SMC6: variants seen among roughly 807,000 people sequenced by gnomAD.
SMC6 encodes the protein structural maintenance of chromosomes 6, also known as structural maintenance of chromosomes protein 6.
A neutral mutation model predicts 142.2 loss-of-function variants in SMC6; 79 were observed. The observed-to-expected ratio is 0.56, with a 90% CI of 0.46 to 0.67. The LOEUF (loss-of-function observed/expected upper bound fraction) is 0.67, where lower values mean the gene tolerates loss of function less well. Among genes scored for constraint, SMC6 ranks in the 30% least tolerant of loss-of-function variants. SMC6 has a pLI of 0.00. For missense variants in SMC6, 1,072 were observed against 1,284.0 expected (o/e 0.83, Z 2.52); for synonymous variants, 411 against 412.4 (o/e 1.00, Z 0.04).
At chr2:17,743,703 A>G (rs901833121) in intron 3 of SMC6, among the ~76,000 whole-genome samples, 10 of 152,166 alleles carry the variant, frequency 6.6e-5, no homozygotes, top group African/African-American at 2.4e-4. Context: ...AGTATAGTAC[A>G]GTTATTTTTA....
rs554475673 is a variant in SMC6 at position 17,752,377 on chromosome 2, C to A, written c.-6+601G>T. On this transcript the variant is annotated intron_variant, in intron 2 of 27. Transcript: ENST00000448223. ...CAAGAACAAAAAAAAGTCTGTGCAA[C>A]CATCCACTTTTTTTCCTCTGAAATA... 3.3e-5 allele frequency among the ~76,000 whole-genome samples: 5 copies of A among 152,316 alleles called. No homozygotes were observed. The South Asian group carries it at 6.2e-4, about 19-fold the overall frequency.
At chr2:17,703,120 A>G in intron 19 of SMC6, 37 bp downstream of exon 19, 2 of 1,252,436 alleles carry the variant, frequency 1.6e-6, no homozygotes, top group Non-Finnish European at 2.2e-6. Flanking sequence ...GTAAGTTGAA[A>G]AAAACAAAAG....
intron 2 of SMC6, among the ~76,000 whole-genome samples, chr2:17,751,745 T>C (rs994948892): frequency 1.3e-5 from 2 of 152,222 alleles, no homozygotes; most frequent in Non-Finnish European, 2.9e-5. Context: ...CAGCTGGACT[T>C]ATCGTTGTGT....
intron 7 of SMC6, among the ~76,000 whole-genome samples, chr2:17,728,491 C>T (rs1307283949): frequency 6.6e-6 from 1 of 151,174 alleles, no homozygotes; most frequent in Non-Finnish European, 1.5e-5. Flanking sequence ...CACTTGAGGC[C>T]AGGAGTTCAA....
chr2:17,719,829 C>T (rs370374727), intron 11 of SMC6, among the ~76,000 whole-genome samples: 1 of 151,990 alleles, frequency 6.6e-6, no homozygotes. Flanking sequence ...CATATATTAC[C>T]TCTGATGAAT....
intron 26 of SMC6, 83 bp downstream of exon 26, chr2:17,670,340 C>G: frequency 7.0e-7 from 1 of 1,423,156 alleles, no homozygotes; most frequent in Non-Finnish European, 9.5e-7. Context: ...AGGGGTAAAA[C>G]TAAAGAAAGA....
intron 7 of SMC6, among the ~76,000 whole-genome samples, chr2:17,727,849 C>CAAG (rs1352011752): frequency 6.6e-6 from 1 of 152,122 alleles, no homozygotes; most frequent in African/African-American, 2.4e-5. Context: ...GGCCTCTCTT[C>CAAG]AAGATAATAA....
chr2:17,700,868 C>T (rs1482784069), intron 20 of SMC6, among the ~76,000 whole-genome samples: 1 of 151,568 alleles, frequency 6.6e-6, no homozygotes, highest in Non-Finnish European at 1.5e-5. Context: ...CCTGTCTTTA[C>T]TAAATAAAAA....
chr2:17,711,104 C>T (rs1668805329), intron 16 of SMC6, among the ~76,000 whole-genome samples: 1 of 152,106 alleles, frequency 6.6e-6, no homozygotes. Context: ...CTGTTGAGAG[C>T]ACAGGTTTTG....
intron 5 of SMC6, among the ~76,000 whole-genome samples, chr2:17,735,202 G>C (rs148582123): frequency 2.0e-5 from 3 of 152,188 alleles, no homozygotes; most frequent in Admixed American, 1.3e-4. Flanking sequence ...CACTGATATG[G>C]TCTGTGCTGA....
intron 2 of SMC6, among the ~76,000 whole-genome samples, chr2:17,747,254 C>G (rs1248151263): frequency 6.6e-6 from 1 of 152,180 alleles, no homozygotes; most frequent in Non-Finnish European, 1.5e-5. Flanking sequence ...GGTGAGAAGA[C>G]CACTCCCACT....
chr2:17,683,124 G>T (rs1224889046), intron 24 of SMC6, among the ~76,000 whole-genome samples: 1 of 151,938 alleles, frequency 6.6e-6, no homozygotes, highest in Admixed American at 6.6e-5. Context: ...TACATCTCTG[G>T]ATATGTTAAT....
intron 3 of SMC6, 43 bp from the exon 4 acceptor site, chr2:17,741,772 A>G (rs776120554): frequency 7.8e-7 from 1 of 1,276,564 alleles, no homozygotes; most frequent in Non-Finnish European, 1.1e-6. Context: ...AATCTAATTC[A>G]CTCATTATAA....
At chr2:17,711,061 G>A (rs1668803608) in intron 16 of SMC6, among the ~76,000 whole-genome samples, 1 of 152,152 alleles carries the variant, frequency 6.6e-6, no homozygotes, top group African/African-American at 2.4e-5. Context: ...GGACGTGGTA[G>A]GCAGTTCTGG....
intron 18 of SMC6, among the ~76,000 whole-genome samples, chr2:17,706,133 A>G (rs1668495279): frequency 6.6e-6 from 1 of 152,168 alleles, no homozygotes; most frequent in African/African-American, 2.4e-5. Flanking sequence ...TGTTGTTTGA[A>G]AGAACAAATA....
chr2:17,666,174 T>C (rs1294214353), intron 27 of SMC6, among the ~76,000 whole-genome samples: 1 of 152,188 alleles, frequency 6.6e-6, no homozygotes, highest in Non-Finnish European at 1.5e-5. Flanking sequence ...TCATGATAAC[T>C]ACAAAGAAGC....
chr2:17,684,572 C>G (rs971063220), intron 23 of SMC6, among the ~76,000 whole-genome samples: 3 of 152,080 alleles, frequency 2.0e-5, no homozygotes, highest in Non-Finnish European at 2.9e-5. Flanking sequence ...ACCTATAATC[C>G]CAGCACTTTG....
At chr2:17,753,562 G>A (rs1296774804) in intron 1 of SMC6, 64 bp downstream of exon 1, 2 of 122,246 alleles carry the variant, frequency 1.6e-5, no homozygotes, top group African/African-American at 5.1e-5. Flanking sequence ...GCCAGCCAAG[G>A]GGGCAGCGGG....
intron 23 of SMC6, among the ~76,000 whole-genome samples, chr2:17,685,488 A>G (rs773949171): frequency 5.9e-5 from 9 of 152,192 alleles, no homozygotes; most frequent in Non-Finnish European, 1.2e-4. Flanking sequence ...TAAAACATAG[A>G]AAATATTCAT....
Sources: allele counts gnomAD v4.1 joint callset (sites outside exome capture counted in the v4.1 genomes callset), GRCh38; gene constraint gnomAD v4.1.1; transcripts MANE v1.5; gene names NCBI Gene and HGNC (gene_info 2026-07-23, HGNC 2026-07-21).